The following CACNA2D3 variants were observed in gnomAD, a reference collection of about 807,000 sequenced individuals.
The protein encoded by CACNA2D3 is voltage-dependent calcium channel subunit alpha-2/delta-3.
A neutral mutation model predicts 160.6 loss-of-function variants in CACNA2D3; 60 were observed. The ratio of observed to expected loss-of-function variants is 0.37; its 90% CI spans 0.30 to 0.46. The LOEUF is 0.46. Among genes scored for constraint, CACNA2D3 ranks in the 20% least tolerant of loss-of-function variants. The pLI, the probability that CACNA2D3 is intolerant of heterozygous loss-of-function variation, is 1.00. For synonymous variants in CACNA2D3, 558 were observed against 492.9 expected (o/e 1.13, Z -1.75); for missense variants, 1,205 against 1,365.0 (o/e 0.88, Z 1.85).
At chr3:54,952,802 G>C (rs1416880629) in intron 27 of CACNA2D3, among the ~76,000 whole-genome samples, 2 of 152,132 alleles carry the variant, frequency 1.3e-5, no homozygotes, top group African/African-American at 4.8e-5. Context: ...GAGGGACAAT[G>C]ACAATATCTA....
chr3:54,229,429 G>A (rs958424277), intron 2 of CACNA2D3, among the ~76,000 whole-genome samples: 2 of 152,060 alleles, frequency 1.3e-5, no homozygotes, highest in South Asian at 2.1e-4. Context: ...TCCTGACCTC[G>A]TGATCTGCCT....
chr3:54,470,906 T>G (rs1700718713), intron 4 of CACNA2D3, among the ~76,000 whole-genome samples: 1 of 152,188 alleles, frequency 6.6e-6, no homozygotes, highest in Non-Finnish European at 1.5e-5. Context: ...GCATTTAGAT[T>G]CATAAAGCGA....
intron 2 of CACNA2D3, among the ~76,000 whole-genome samples, chr3:54,218,259 G>A (rs1701499141): frequency 6.6e-6 from 1 of 152,218 alleles, no homozygotes; most frequent in South Asian, 2.1e-4. Context: ...CACCTCTTGT[G>A]GATAAGGGTG....
chr3:54,626,312 T>G, intron 9 of CACNA2D3: 1 of 1,548,174 alleles, frequency 6.5e-7, no homozygotes, highest in Non-Finnish European at 8.7e-7. Flanking sequence ...AAGCGGCTGA[T>G]GCCGCTGTAC....
chr3:54,284,723 T>C (rs1187029459), intron 2 of CACNA2D3, among the ~76,000 whole-genome samples: 1 of 152,208 alleles, frequency 6.6e-6, no homozygotes, highest in African/African-American at 2.4e-5. Flanking sequence ...TCCAATTACC[T>C]GCTGCAATAA....
At chr3:54,338,914 C>CTAT (rs1191659999) in intron 3 of CACNA2D3, among the ~76,000 whole-genome samples, 1 of 152,168 alleles carries the variant, frequency 6.6e-6, no homozygotes, top group Non-Finnish European at 1.5e-5. Flanking sequence ...GCCACAGCAG[C>CTAT]TATTAGCAGC....
At chr3:54,546,891 C>G (rs768778178) in intron 5 of CACNA2D3, among the ~76,000 whole-genome samples, 1 of 152,160 alleles carries the variant, frequency 6.6e-6, no homozygotes, top group Admixed American at 6.5e-5. Flanking sequence ...TTTGGATGAT[C>G]AAACATTTAG....
rs3836392 is a variant in CACNA2D3, at chr3:54,891,180, C to CGTGTGTGTGTGT, written c.2151-144_2151-133dup. 3.2e-3 allele frequency among the ~76,000 whole-genome samples: 456 copies of CGTGTGTGTGTGT among 141,986 alleles called. 1 individual carries two copies. The highest frequency in any genetic ancestry group is 0.01 in the African/African-American group (389 of 37,936). The allele number at this position is 141,986 out of a possible 152,430, so 93.1% of individuals were successfully genotyped here. A position where few individuals can be genotyped will look rare whatever the true frequency, so the allele number is the denominator to read the frequency against. ...GGGATACAAGTTGGCAATCTGTGCT[C>CGTGTGTGTGTGT]GTGTGTGTGTGTGTGTGTGTGTGTG... On this transcript the variant is annotated intron_variant, in intron 24 of 37. Transcript: ENST00000474759.
At chr3:54,817,713 T>C (rs772342162) in intron 14 of CACNA2D3, among the ~76,000 whole-genome samples, 2 of 152,170 alleles carry the variant, frequency 1.3e-5, no homozygotes, top group African/African-American at 2.4e-5. Context: ...TTCCTTCTCA[T>C]TGAGAGAGAG....
intron 5 of CACNA2D3, among the ~76,000 whole-genome samples, chr3:54,503,990 G>A (rs778982806): frequency 2.0e-5 from 3 of 152,124 alleles, no homozygotes; most frequent in African/African-American, 4.8e-5. Flanking sequence ...TGCTGTTCAG[G>A]CACAAAAGCA....
chr3:54,406,216 A>G (rs1160495860), intron 4 of CACNA2D3, among the ~76,000 whole-genome samples: 1 of 152,136 alleles, frequency 6.6e-6, no homozygotes, highest in Non-Finnish European at 1.5e-5. Context: ...AGGAAATGAA[A>G]TCACCACCTC....
intron 11 of CACNA2D3, among the ~76,000 whole-genome samples, chr3:54,715,005 C>T (rs1349462836): frequency 2.6e-5 from 4 of 152,152 alleles, no homozygotes; most frequent in African/African-American, 7.2e-5. Context: ...CCAGTAGATA[C>T]GATACCAGCT....
intron 2 of CACNA2D3, among the ~76,000 whole-genome samples, chr3:54,190,666 T>C (rs1700961871): frequency 6.6e-6 from 1 of 152,258 alleles, no homozygotes; most frequent in Non-Finnish European, 1.5e-5. Context: ...CCATTGGCAG[T>C]GAGCCATTTT....
intron 9 of CACNA2D3, among the ~76,000 whole-genome samples, chr3:54,616,615 T>TG (rs1204667695): frequency 6.6e-6 from 1 of 152,220 alleles, no homozygotes; most frequent in Non-Finnish European, 1.5e-5. Context: ...GGAGGCTGGC[T>TG]GCCAAAAGGG....
At chr3:54,470,142 G>T (rs561365800) in intron 4 of CACNA2D3, among the ~76,000 whole-genome samples, 5 of 152,028 alleles carry the variant, frequency 3.3e-5, no homozygotes, top group Admixed American at 6.6e-5. Flanking sequence ...AATTCACCAA[G>T]GTTGAAATGA....
chr3:54,774,926 G>A (rs766539981), intron 13 of CACNA2D3, among the ~76,000 whole-genome samples: 12 of 152,156 alleles, frequency 7.9e-5, no homozygotes, highest in Non-Finnish European at 1.2e-4. Flanking sequence ...GAGCCACCAC[G>A]CCCGGCCACT....
In CACNA2D3 at chr3:54,245,777, A is replaced by G. The variant is rs577030026; in HGVS notation, c.205-74665A>G. 7.9e-5 allele frequency among the ~76,000 whole-genome samples: 12 copies of G among 152,350 alleles called. No homozygotes were observed. The South Asian group carries it at 2.3e-3, about 29-fold the overall frequency. ...GGAAAATAGGCTCATCTAAGTATTA[A>G]AAATTGTCACCAGTGCCCCCACCCC... is the stretch of plus-strand genomic sequence containing the variant. On this transcript the variant is annotated intron_variant, in intron 2 of 37. Transcript: ENST00000474759.
At position 54,811,384 on chromosome 3, in the gene CACNA2D3, C is replaced by G. The variant is rs749159801; in HGVS notation, c.1381-5469C>G. ...TCTATCATGATCCAGGCTATCATCTCGATTCTCAACTCTACCTGGGGTCAG... is the reference window on the plus strand; with the variant it reads ...TCTATCATGATCCAGGCTATCATCTGGATTCTCAACTCTACCTGGGGTCAG... On this transcript the variant is annotated intron_variant, in intron 13 of 37. Coordinates refer to ENST00000474759, the MANE Select transcript of CACNA2D3 (RefSeq NM_018398.3). Among the ~76,000 whole-genome samples, 3 of 150,302 alleles carry G rather than the reference C, an allele frequency of 2.0e-5. No homozygotes were observed. The Admixed American group carries it at 2.0e-4, about 10-fold the overall frequency.
Position 55,074,104 on chromosome 3 carries a change from T to TTCCCCA in CACNA2D3, c.3184-8_3184-3dup. On this transcript the variant is annotated splice_polypyrimidine_tract_variant and intron_variant, in intron 37 of 37. Transcript: ENST00000474759. The stretch of plus-strand genomic sequence containing the variant: ...ATTTCCGTCTAACCAACCCCTGCCT[T>TTCCCCA]TCCCCATAGGAGAATGCAAGGGAGT... The TTCCCCA allele has an allele frequency of 6.2e-7, 1 of 1,611,326 alleles. No individual in the cohort carries two copies. The highest frequency in any genetic ancestry group is 2.2e-5 in the East Asian group (1 of 44,866).
Sources: gnomAD v4.1 joint callset for allele counts (sites outside exome capture counted in the v4.1 genomes callset) on GRCh38, gnomAD v4.1.1 for gene constraint, MANE v1.5 for transcripts, NCBI Gene and HGNC (gene_info 2026-07-23, HGNC 2026-07-21) for gene names.